The following RBFOX1 variants were observed in gnomAD, a reference collection of about 807,000 sequenced individuals.
RBFOX1 encodes the protein RNA binding fox-1 homolog 1.
Under a neutral mutation model 57.7 loss-of-function variants are expected in RBFOX1, and 8 were observed. That is an observed-to-expected ratio of 0.14 (90% CI 0.08 to 0.25). RBFOX1 has a LOEUF of 0.25. Ranked by LOEUF, RBFOX1 falls within the 10% of genes least tolerant of loss-of-function variation. The pLI, the probability that RBFOX1 is intolerant of heterozygous loss-of-function variation, is 1.00. For synonymous variants in RBFOX1, 326 were observed against 222.4 expected (o/e 1.47, Z -4.15); for missense variants, 611 against 548.5 (o/e 1.11, Z -1.14).
chr16:6,043,291 T>G (rs2084789), intron 1 of RBFOX1, among the ~76,000 whole-genome samples: 2 of 151,904 alleles, frequency 1.3e-5, no homozygotes. Context: ...CCACCGAATC[T>G]GTGCTAGATC....
chr16:7,016,887 T>G (rs1210705991), intron 3 of RBFOX1, among the ~76,000 whole-genome samples: 2 of 152,270 alleles, frequency 1.3e-5, no homozygotes, highest in Non-Finnish European at 2.9e-5. Flanking sequence ...TGGCTGTCAC[T>G]TGACCCTGTG....
chr16:6,789,103 G>A (rs2082471448), intron 3 of RBFOX1, among the ~76,000 whole-genome samples: 1 of 152,080 alleles, frequency 6.6e-6, no homozygotes, highest in South Asian at 2.1e-4. Context: ...CAGCCTCCCT[G>A]AATTTACCAG....
At chr16:7,192,417 G>C (rs2085634977) in intron 4 of RBFOX1, among the ~76,000 whole-genome samples, 1 of 152,176 alleles carries the variant, frequency 6.6e-6, no homozygotes, top group African/African-American at 2.4e-5. Context: ...AGACTCAAAT[G>C]CCTATAGAGG....
intron 2 of RBFOX1, among the ~76,000 whole-genome samples, chr16:6,564,408 C>T (rs1045083309): frequency 2.0e-5 from 3 of 151,896 alleles, no homozygotes; most frequent in Non-Finnish European, 2.9e-5. Context: ...TGCAGTGAGC[C>T]GAGATCGTGC....
rs199690584 is a variant in RBFOX1, at chr16:6,060,122, G to GTTTTTTTTTTTTTTTTT, written c.-127+40150_-127+40166dup. On this transcript the variant is annotated intron_variant, in intron 1 of 15. Coordinates refer to ENST00000550418, the MANE Select transcript of RBFOX1 (RefSeq NM_018723.4). Reference sequence around the variant, plus strand: ...ATTTGGCCCTAAAATTAGGATTAGGGTTTTTTTTTTTTTTTTTTTTTTTTT... The same window carrying GTTTTTTTTTTTTTTTTT: ...ATTTGGCCCTAAAATTAGGATTAGGGTTTTTTTTTTTTTTTTTTTTTTTTTTTTTTTTTTTTTTTTTT... 1.4e-3 allele frequency among the ~76,000 whole-genome samples: 155 copies of GTTTTTTTTTTTTTTTTT among 114,170 alleles called. 13 individuals are homozygous for GTTTTTTTTTTTTTTTTT. Among genetic ancestry groups the GTTTTTTTTTTTTTTTTT allele is most frequent in the African/African-American group, 2.6e-3 (71 of 27,746 alleles). The allele number at this position is 114,170 out of a possible 152,430, so 74.9% of individuals were successfully genotyped here.
intron 3 of RBFOX1, among the ~76,000 whole-genome samples, chr16:6,888,251 G>A (rs2064590961): frequency 6.6e-6 from 1 of 152,150 alleles, no homozygotes; most frequent in Non-Finnish European, 1.5e-5. Context: ...AGAAAATGAA[G>A]GACCACAATG....
At chr16:6,897,479 G>A (rs150061707) in intron 3 of RBFOX1, among the ~76,000 whole-genome samples, 1,884 of 152,284 alleles carry the variant, frequency 0.012, 21 homozygotes, top group Non-Finnish European at 0.02. Flanking sequence ...GCTTCCCACT[G>A]TATTTAAGAA....
At chr16:7,546,837 T>G (rs1177647858) in intron 5 of RBFOX1, among the ~76,000 whole-genome samples, 1 of 152,200 alleles carries the variant, frequency 6.6e-6, no homozygotes, top group African/African-American at 2.4e-5. Flanking sequence ...GTGACAAATA[T>G]CACCTTGATG....
intron 5 of RBFOX1, among the ~76,000 whole-genome samples, chr16:7,529,277 A>C (rs2081313448): frequency 6.6e-6 from 1 of 152,180 alleles, no homozygotes; most frequent in Non-Finnish European, 1.5e-5. Context: ...AACAACAACA[A>C]GAAGAAAAAG....
intron 2 of RBFOX1, among the ~76,000 whole-genome samples, chr16:6,517,385 A>C (rs1005926897): frequency 2.0e-5 from 3 of 152,082 alleles, no homozygotes; most frequent in African/African-American, 4.8e-5. Context: ...TCGTCAATTA[A>C]TCTTAGGCAT....
rs941803410 is a variant in RBFOX1, at chr16:6,819,580, C to T, written c.-16+164930C>T. On this transcript the variant is annotated intron_variant, in intron 3 of 15. Transcript: ENST00000550418. Reference sequence around the variant, plus strand: ...TAGCCGGGCCTGTTGGCGTGTATGCCTGTAATCCCAGCTACTCGGGAGGCT... The same window carrying T: ...TAGCCGGGCCTGTTGGCGTGTATGCTTGTAATCCCAGCTACTCGGGAGGCT... Among the ~76,000 whole-genome samples, 11 of 151,782 alleles carry T rather than the reference C, an allele frequency of 7.2e-5. No individual in the cohort carries two copies. In the East Asian group the frequency reaches 1.6e-3, roughly 21 times the overall value.
At chr16:7,479,096 T>C (rs939710384) in intron 4 of RBFOX1, among the ~76,000 whole-genome samples, 1 of 146,782 alleles carries the variant, frequency 6.8e-6, no homozygotes, top group African/African-American at 2.5e-5. Flanking sequence ...TGGTGGGAAG[T>C]GGATCAAAAC....
chr16:7,069,055 A>G (rs1378669839), intron 4 of RBFOX1, among the ~76,000 whole-genome samples: 1 of 152,228 alleles, frequency 6.6e-6, no homozygotes, highest in African/African-American at 2.4e-5. Context: ...GGATGTTTCT[A>G]AAGACTCTAG....
chr16:6,797,253 C>T (rs112533519), intron 3 of RBFOX1, among the ~76,000 whole-genome samples: 2 of 152,060 alleles, frequency 1.3e-5, no homozygotes, highest in East Asian at 1.9e-4. Context: ...ATTGTTATTC[C>T]CCCATAACGC....
At chr16:6,173,604 C>CTT (rs35528338) in intron 1 of RBFOX1, among the ~76,000 whole-genome samples, 39,827 of 70,888 alleles carry the variant, frequency 0.56, 12,234 homozygotes, top group East Asian at 0.67. Context: ...TGACCACTCC[C>CTT]TTTTTTTTTT....
chr16:7,321,847 G>T (rs944081247), intron 4 of RBFOX1, among the ~76,000 whole-genome samples: 2 of 152,186 alleles, frequency 1.3e-5, no homozygotes, highest in Non-Finnish European at 2.9e-5. Context: ...AATCCCACCT[G>T]TCAGAGGCTC....
chr16:6,917,819 A>G (rs955525015), intron 3 of RBFOX1, among the ~76,000 whole-genome samples: 4 of 152,044 alleles, frequency 2.6e-5, no homozygotes, highest in African/African-American at 9.7e-5. Flanking sequence ...CTCTTAGAGA[A>G]CAGGGCCCTG....
chr16:6,602,735 T>TTG (rs1555602992), intron 2 of RBFOX1, among the ~76,000 whole-genome samples: 1 of 151,978 alleles, frequency 6.6e-6, no homozygotes, highest in Non-Finnish European at 1.5e-5. Flanking sequence ...TGCAATTTTT[T>TTG]TTCCACTTGC....
chr16:6,824,034 T>C (rs2091764907), intron 3 of RBFOX1, among the ~76,000 whole-genome samples: 1 of 152,210 alleles, frequency 6.6e-6, no homozygotes, highest in Admixed American at 6.5e-5. Flanking sequence ...GAGTTCTCCA[T>C]TATCTGGATT....
Sources: allele counts gnomAD v4.1 joint callset (sites outside exome capture counted in the v4.1 genomes callset), GRCh38; gene constraint gnomAD v4.1.1; transcripts MANE v1.5; gene names NCBI Gene and HGNC (gene_info 2026-07-23, HGNC 2026-07-21).